GXYLT2: variants seen among roughly 807,000 people sequenced by gnomAD.
The protein encoded by GXYLT2 is glucoside xylosyltransferase 2.
Under a neutral mutation model 45.8 loss-of-function variants are expected in GXYLT2, and 53 were observed. That is an observed-to-expected ratio of 1.16 (90% confidence interval 0.93 to 1.46). The LOEUF is 1.46. Among genes scored for constraint, GXYLT2 ranks in the 40% most tolerant of loss-of-function variants. GXYLT2 has a pLI of 0.00. For missense variants in GXYLT2, 551 were observed against 544.4 expected (o/e 1.01, Z -0.12); for synonymous variants, 219 against 214.2 (o/e 1.02, Z -0.19).
At chr3:72,944,676 C>T (rs542703116) in intron 3 of GXYLT2, among the ~76,000 whole-genome samples, 2 of 152,164 alleles carry the variant, frequency 1.3e-5, no homozygotes, top group South Asian at 4.2e-4. Flanking sequence ...TTAATATTTC[C>T]TCTCTCTCCT....
intron 4 of GXYLT2, among the ~76,000 whole-genome samples, chr3:72,956,452 A>G (rs6792080): frequency 0.62 from 94,981 of 152,016 alleles, 30,174 homozygotes; most frequent in South Asian, 0.75. Context: ...TGTTTAAGAC[A>G]AGGAAAGGTG....
intron 3 of GXYLT2, among the ~76,000 whole-genome samples, chr3:72,930,530 A>C (rs1710008309): frequency 6.6e-6 from 1 of 151,230 alleles, no homozygotes; most frequent in African/African-American, 2.4e-5. Flanking sequence ...ATAAATAAGC[A>C]ATTCATCAAC....
At chr3:72,966,779 C>T (rs1188660337) in intron 5 of GXYLT2, among the ~76,000 whole-genome samples, 1 of 152,108 alleles carries the variant, frequency 6.6e-6, no homozygotes, top group African/African-American at 2.4e-5. Context: ...GTGCGTGCCA[C>T]CATGGCTGGC....
chr3:72,950,410 G>A (rs1425410245), intron 3 of GXYLT2, among the ~76,000 whole-genome samples: 1 of 152,086 alleles, frequency 6.6e-6, no homozygotes, highest in Non-Finnish European at 1.5e-5. Flanking sequence ...GCAGTGAGCC[G>A]AGATCACGCC....
chr3:72,925,199 C>T (rs1421383674), intron 3 of GXYLT2, among the ~76,000 whole-genome samples: 1 of 151,300 alleles, frequency 6.6e-6, no homozygotes, highest in Non-Finnish European at 1.5e-5. Flanking sequence ...CTCTGTCGCC[C>T]AGGCTGGAGT....
At chr3:72,908,072 CAT>C (rs1287176453) in intron 1 of GXYLT2, 1 of 270,354 alleles carries the variant, frequency 3.7e-6, no homozygotes, top group African/African-American at 2.2e-5. Flanking sequence ...TATTTCCAAA[CAT>C]GGGCCAGTAG....
At chr3:72,891,392 C>T (rs1387867929) in intron 1 of GXYLT2, among the ~76,000 whole-genome samples, 2 of 152,204 alleles carry the variant, frequency 1.3e-5, no homozygotes, top group East Asian at 3.8e-4. Context: ...TCTCCTTCCA[C>T]ATCTTGTTTT....
intron 5 of GXYLT2, among the ~76,000 whole-genome samples, chr3:72,965,321 G>A (rs185521000): frequency 3.3e-5 from 5 of 152,324 alleles, no homozygotes; most frequent in Admixed American, 3.3e-4. Context: ...GAAGCTTTCT[G>A]TAAGTAATCA....
chr3:72,932,190 T>G (rs1710051390), intron 3 of GXYLT2, among the ~76,000 whole-genome samples: 1 of 151,920 alleles, frequency 6.6e-6, no homozygotes, highest in African/African-American at 2.4e-5. Flanking sequence ...GTAGCTGTGA[T>G]TACAGGTGCC....
intron 3 of GXYLT2, among the ~76,000 whole-genome samples, chr3:72,940,499 T>C (rs866218091): frequency 1.3e-5 from 2 of 152,114 alleles, no homozygotes; most frequent in Admixed American, 1.3e-4. Context: ...TCACTGTTAA[T>C]GTTGGTTAAT....
chr3:72,959,641 T>A lies in GXYLT2; in HGVS notation c.976+2289T>A, dbSNP rs538125194. Among the ~76,000 whole-genome samples the A allele has an allele frequency of 4.6e-5, 7 of 151,290 alleles. No homozygotes were observed. In the South Asian group the frequency reaches 1.5e-3, roughly 32 times the overall value. ...TTTTCTTCTTAGGTAGGTTTCATCT[T>A]TTTTTTTTCTTGAGATGGAATCTGG... On this transcript the variant is annotated intron_variant, in intron 5 of 6. Transcript: ENST00000389617.
At chr3:72,947,166 TTC>T (rs1018693990) in intron 3 of GXYLT2, among the ~76,000 whole-genome samples, 13 of 152,146 alleles carry the variant, frequency 8.5e-5, no homozygotes, top group African/African-American at 3.1e-4. Context: ...TGTGTTTTCT[TTC>T]TGACAGAGGG....
In GXYLT2 at chr3:72,888,416, C is replaced by T. The variant is rs1709109160; in HGVS notation, c.183C>T (p.Pro61=). The T allele has an allele frequency of 3.8e-6, 4 of 1,054,758 alleles. No homozygotes were observed. The highest frequency in any genetic ancestry group is 6.7e-5 in the East Asian group (1 of 14,890). The allele number at this position is 1,054,758 out of a possible 1,614,324, so 65.3% of individuals were successfully genotyped here. The change falls in exon 1 of 7, where the codon CCC becomes CCT. Residue 61 remains proline, a synonymous_variant. Coordinates refer to ENST00000389617, the MANE Select transcript of GXYLT2 (RefSeq NM_001080393.2). ...PARWPGPGAL[P]GASPGVRRRR... is the part of the protein sequence containing the mutation. ...GCTGGCCGGGGCCGGGCGCCCTCCCCGGGGCCAGCCCGGGAGTTCGGAGGC... is the reference window on the plus strand; with the variant it reads ...GCTGGCCGGGGCCGGGCGCCCTCCCTGGGGCCAGCCCGGGAGTTCGGAGGC...
At chr3:72,900,524 C>T (rs1321940638) in intron 1 of GXYLT2, among the ~76,000 whole-genome samples, 1 of 152,136 alleles carries the variant, frequency 6.6e-6, no homozygotes, top group African/African-American at 2.4e-5. Context: ...AAGCGATTCT[C>T]CTGCCTCAGC....
intron 3 of GXYLT2, among the ~76,000 whole-genome samples, chr3:72,947,577 A>G (rs866387920): frequency 3.3e-5 from 5 of 152,106 alleles, no homozygotes; most frequent in African/African-American, 1.2e-4. Context: ...AGATGGGTGG[A>G]TCACTTGAGG....
intron 1 of GXYLT2, among the ~76,000 whole-genome samples, chr3:72,898,772 C>T (rs1419006829): frequency 6.6e-6 from 1 of 150,850 alleles, no homozygotes; most frequent in African/African-American, 2.4e-5. Context: ...ATTCTTGTTG[C>T]CCACGCTGGA....
Position 72,969,927 on chromosome 3 carries a change from A to AAAAAAC in GXYLT2, c.1149+2208_1149+2209insAAAAAC, listed in dbSNP as rs565563001. On this transcript the variant is annotated intron_variant, in intron 6 of 6. Transcript: ENST00000389617. ...TGCATTTGAAAAAAAAAAAACAAAA[A>AAAAAAC]CATTTAAGGCCCAGCACAGTGACTC... Among the ~76,000 whole-genome samples, 143 of 146,402 alleles carry AAAAAAC rather than the reference A, an allele frequency of 9.8e-4. 3 individuals are homozygous for AAAAAAC. The highest frequency in any genetic ancestry group is 2.6e-3 in the East Asian group (12 of 4,670).
chr3:72,971,114 A>AG (rs1710979704), intron 6 of GXYLT2, among the ~76,000 whole-genome samples: 1 of 152,184 alleles, frequency 6.6e-6, no homozygotes, highest in Non-Finnish European at 1.5e-5. Flanking sequence ...TGTCTATCAG[A>AG]GCCACTCTTG....
rs544856576 is a variant in GXYLT2, at chr3:72,963,394, G to A, written c.977-4153G>A. 4.6e-5 allele frequency among the ~76,000 whole-genome samples: 7 copies of A among 152,026 alleles called. No individual in the cohort carries two copies. The South Asian group carries it at 1.0e-3, about 23-fold the overall frequency. The stretch of plus-strand genomic sequence containing the variant: ...TCGAGACCAGCCTGGCCAACATGGC[G>A]AAACCCTGTTTCTACTAAAAATACG... On this transcript the variant is annotated intron_variant, in intron 5 of 6. Coordinates refer to ENST00000389617, the MANE Select transcript of GXYLT2 (RefSeq NM_001080393.2).
Sources: gnomAD v4.1 joint callset for allele counts (sites outside exome capture counted in the v4.1 genomes callset) on GRCh38, gnomAD v4.1.1 for gene constraint, MANE v1.5 for transcripts, NCBI Gene and HGNC (gene_info 2026-07-23, HGNC 2026-07-21) for gene names.